The following DCLK1 variants were observed in gnomAD, a reference collection of about 807,000 sequenced individuals.
DCLK1 encodes the protein doublecortin like kinase 1.
DCLK1 carries 16 observed loss-of-function variants against 86.2 expected under a neutral mutation model. The observed-to-expected ratio is 0.19, with a 90% CI of 0.13 to 0.28. DCLK1 has a LOEUF of 0.28. Among genes scored for constraint, DCLK1 ranks in the 10% least tolerant of loss-of-function variants. DCLK1 has a pLI of 1.00. For synonymous variants in DCLK1, 369 were observed against 370.5 expected (o/e 1.00, Z 0.05); for missense variants, 590 against 940.2 (o/e 0.63, Z 4.87).
At chr13:35,786,583 G>A (rs1459470767) in intron 16 of DCLK1, among the ~76,000 whole-genome samples, 1 of 152,106 alleles carries the variant, frequency 6.6e-6, no homozygotes, top group East Asian at 1.9e-4. Flanking sequence ...TGCCTACAGG[G>A]GCATGTTCAG....
chr13:35,962,261 T>C (rs1878501328), intron 3 of DCLK1, among the ~76,000 whole-genome samples: 1 of 152,158 alleles, frequency 6.6e-6, no homozygotes, highest in Admixed American at 6.6e-5. Context: ...TTAGTTAAGA[T>C]GAGGTCATCC....
At chr13:36,077,115 T>A (rs1388451945) in intron 3 of DCLK1, among the ~76,000 whole-genome samples, 1 of 152,112 alleles carries the variant, frequency 6.6e-6, no homozygotes, top group Non-Finnish European at 1.5e-5. Flanking sequence ...CACTAATGCT[T>A]CTCAACTACC....
intron 3 of DCLK1, among the ~76,000 whole-genome samples, chr13:36,021,271 G>C (rs549668091): frequency 6.7e-6 from 1 of 150,300 alleles, no homozygotes; most frequent in Non-Finnish European, 1.5e-5. Flanking sequence ...GAAACAATAA[G>C]AGGTTTAAAA....
At chr13:35,959,951 A>G (rs1326072531) in intron 3 of DCLK1, among the ~76,000 whole-genome samples, 1 of 152,010 alleles carries the variant, frequency 6.6e-6, no homozygotes, top group Non-Finnish European at 1.5e-5. Context: ...ATGTGCTTAC[A>G]TTCCTGTCCT....
chr13:36,036,404 G>A (rs998463961), intron 3 of DCLK1, among the ~76,000 whole-genome samples: 1 of 152,200 alleles, frequency 6.6e-6, no homozygotes, highest in Non-Finnish European at 1.5e-5. Flanking sequence ...GGCAAAGCCA[G>A]GAATCCTTTG....
At chr13:35,869,180 T>G in intron 5 of DCLK1, 1 of 492,292 alleles carries the variant, frequency 2.0e-6, no homozygotes, top group South Asian at 1.5e-5. Context: ...ACCTGTCAGC[T>G]GGACAAGCTC....
intron 3 of DCLK1, among the ~76,000 whole-genome samples, chr13:36,013,763 G>A (rs1264168256): frequency 2.6e-5 from 4 of 152,136 alleles, no homozygotes; most frequent in African/African-American, 4.8e-5. Flanking sequence ...CACCCAGTTC[G>A]AGCTTCCTGG....
chr13:35,847,586 A>G, intron 6 of DCLK1: 1 of 956,134 alleles, frequency 1.0e-6, no homozygotes, highest in South Asian at 4.9e-5. Flanking sequence ...TTTCATTAAG[A>G]AATCTGACTT....
chr13:35,945,745 C>T (rs182299851), intron 4 of DCLK1, among the ~76,000 whole-genome samples: 68 of 152,126 alleles, frequency 4.5e-4, no homozygotes, highest in Middle Eastern at 6.8e-3. Flanking sequence ...AAAATGGTGG[C>T]GTGGGGGGGA....
chr13:35,992,145 G>A (rs1880260917), intron 3 of DCLK1, among the ~76,000 whole-genome samples: 1 of 152,110 alleles, frequency 6.6e-6, no homozygotes, highest in Non-Finnish European at 1.5e-5. Flanking sequence ...CCACACTCAT[G>A]CCTTCTAGTT....
At chr13:36,016,439 C>G (rs1186568019) in intron 3 of DCLK1, among the ~76,000 whole-genome samples, 3 of 152,120 alleles carry the variant, frequency 2.0e-5, no homozygotes, top group Non-Finnish European at 2.9e-5. Flanking sequence ...ATTCCATTCC[C>G]TCCCCCATCA....
At chr13:36,070,856 T>C (rs1049554642) in intron 3 of DCLK1, among the ~76,000 whole-genome samples, 2 of 152,112 alleles carry the variant, frequency 1.3e-5, no homozygotes, top group Non-Finnish European at 2.9e-5. Flanking sequence ...TTGGCCAGGA[T>C]GGTCTCTCTA....
At chr13:36,043,967 C>T (rs965890738) in intron 3 of DCLK1, among the ~76,000 whole-genome samples, 3 of 152,140 alleles carry the variant, frequency 2.0e-5, no homozygotes, top group Non-Finnish European at 4.4e-5. Context: ...ATATCTGTCC[C>T]CTCCAAATCT....
intron 3 of DCLK1, among the ~76,000 whole-genome samples, chr13:36,023,385 C>T (rs9575140): frequency 0.24 from 36,675 of 152,018 alleles, 4,922 homozygotes; most frequent in Non-Finnish European, 0.31. Context: ...AGTCCAAAGA[C>T]CAGCAGAAAG....
chr13:36,006,450 T>C (rs1009203132), intron 3 of DCLK1, among the ~76,000 whole-genome samples: 7 of 152,250 alleles, frequency 4.6e-5, no homozygotes, highest in Admixed American at 6.5e-5. Flanking sequence ...CACTGTACCA[T>C]GACATTGCCA....
intron 3 of DCLK1, among the ~76,000 whole-genome samples, chr13:36,019,265 G>A (rs189177188): frequency 1.1e-4 from 17 of 152,124 alleles, no homozygotes; most frequent in Admixed American, 5.2e-4. Flanking sequence ...AAACTATCCC[G>A]TATTCCCAAG....
chr13:35,985,736 G>A (rs1447633107), intron 3 of DCLK1, among the ~76,000 whole-genome samples: 6 of 152,178 alleles, frequency 3.9e-5, no homozygotes, highest in African/African-American at 1.4e-4. Flanking sequence ...TGCCCCTCCA[G>A]GCCCTTTTTC....
chr13:35,831,201 A>G (rs909397917), intron 8 of DCLK1, among the ~76,000 whole-genome samples: 12 of 152,222 alleles, frequency 7.9e-5, no homozygotes, highest in African/African-American at 2.4e-4. Flanking sequence ...GTGGACAATG[A>G]GCTCCACAGA....
At chr13:36,082,600 G>A (rs1206653232) in intron 3 of DCLK1, among the ~76,000 whole-genome samples, 2 of 152,054 alleles carry the variant, frequency 1.3e-5, no homozygotes, top group African/African-American at 4.8e-5. Context: ...CCAGACTGAC[G>A]GCATCATGAA....
Sources: allele counts gnomAD v4.1 joint callset (sites outside exome capture counted in the v4.1 genomes callset), GRCh38; gene constraint gnomAD v4.1.1; transcripts MANE v1.5; gene names NCBI Gene and HGNC (gene_info 2026-07-23, HGNC 2026-07-21).